Variants in FAM193B observed in about 807,000 individuals in gnomAD.
The protein encoded by FAM193B is protein FAM193B.
A neutral mutation model predicts 70.7 loss-of-function variants in FAM193B; 27 were observed. That is an observed-to-expected ratio of 0.38 (90% CI 0.28 to 0.53). The LOEUF (loss-of-function observed/expected upper bound fraction) is 0.53, where lower values mean the gene tolerates loss of function less well. Among genes scored for constraint, FAM193B ranks in the 20% least tolerant of loss-of-function variants. The pLI, the probability that FAM193B is intolerant of heterozygous loss-of-function variation, is 0.81. For synonymous variants in FAM193B, 448 were observed against 436.0 expected (o/e 1.03, Z -0.34); for missense variants, 1,022 against 1,072.5 (o/e 0.95, Z 0.66).
At chr5:177,525,321 T>G in intron 5 of FAM193B, 116 bp from the exon 6 acceptor site, 1 of 1,124,578 alleles carries the variant, frequency 8.9e-7, no homozygotes, top group Non-Finnish European at 1.2e-6. Context: ...AGCAAAGCCT[T>G]AAAATCCTAG....
At chr5:177,521,214 C>G (rs570918041) in intron 8 of FAM193B, among the ~76,000 whole-genome samples, 1 of 152,192 alleles carries the variant, frequency 6.6e-6, no homozygotes, top group Non-Finnish European at 1.5e-5. Context: ...GCCACTCAGC[C>G]CCCAGCCCAA....
In FAM193B at chr5:177,532,447, T is replaced by C. The variant is rs375182955; in HGVS notation, c.1271A>G (p.Asn424Ser). The change falls in exon 5 of 9, where the codon AAT becomes AGT. Residue 424 changes from asparagine (N) to serine (S), a missense_variant. Asn to Ser is a conservative substitution (Grantham distance 46). Coordinates refer to ENST00000514747, the MANE Select transcript of FAM193B (RefSeq NM_001190946.3). The surrounding 1 kb of genome is among the most constrained non-coding windows in gnomAD (Gnocchi z 4.9). ...DCCYCEFFGHNAEKEKAQLAA... is the reference protein window; with the variant it reads ...DCCYCEFFGHSAEKEKAQLAA... ...AGCCTGGGCAGGCTCACTCACCGCA[T>C]TGTGGCCGAAGAACTCACAGTAGCA... 6.2e-7 allele frequency: 1 copy of C among 1,609,842 alleles called. No individual in the cohort carries two copies. The highest frequency in any genetic ancestry group is 1.3e-5 in the African/African-American group (1 of 75,008).
chr5:177,554,534 C>T lies in FAM193B; in HGVS notation c.-76G>A. The T allele has an allele frequency of 2.2e-6, 2 of 892,306 alleles. No individual in the cohort carries two copies. Among genetic ancestry groups the T allele is most frequent in the Non-Finnish European group, 2.7e-6 (2 of 740,982 alleles). The allele number at this position is 892,306 out of a possible 1,614,324, so 55.3% of individuals were successfully genotyped here. On this transcript the variant is annotated 5_prime_UTR_variant, in exon 1 of 9. Coordinates refer to ENST00000514747, the MANE Select transcript of FAM193B (RefSeq NM_001190946.3). ...GCCGCCGCCGCCGCCGCCGCCGCTA[C>T]CGCTCCCCTCACAGGACAACAGCCA...
chr5:177,536,661 G>A lies in FAM193B; in HGVS notation c.773C>T (p.Pro258Leu), dbSNP rs1207733008. The A allele has an allele frequency of 1.3e-6, 2 of 1,562,788 alleles. No homozygotes were observed. Among genetic ancestry groups the A allele is most frequent in the East Asian group, 4.7e-5 (2 of 42,632 alleles). Reference sequence around the variant, plus strand: ...GGGGTGAGACGGGATTAGAGATGCTGGCTGCGGGTGGTGGCCGGTGGGGCT... The same window carrying A: ...GGGGTGAGACGGGATTAGAGATGCTAGCTGCGGGTGGTGGCCGGTGGGGCT... ...PNSPTGHHPQ[P>L]ASLIPSHPSS... The change falls in exon 4 of 9, where the codon CCA becomes CTA. Residue 258 changes from proline to leucine, a missense_variant. Transcript: ENST00000514747.
chr5:177,551,504 A>G (rs1205419573), intron 1 of FAM193B, among the ~76,000 whole-genome samples: 1 of 152,210 alleles, frequency 6.6e-6, no homozygotes, highest in Non-Finnish European at 1.5e-5. Flanking sequence ...CCTAAGGAGC[A>G]TACGCTGTCT....
Position 177,524,841 on chromosome 5 carries a change from A to G in FAM193B, c.1640T>C (p.Leu547Ser), listed in dbSNP as rs1199770617. 6.6e-7 allele frequency: 1 copy of G among 1,512,868 alleles called. No homozygotes were observed. Among genetic ancestry groups the G allele is most frequent in the Non-Finnish European group, 8.8e-7 (1 of 1,133,448 alleles). The allele number at this position is 1,512,868 out of a possible 1,614,324, so 93.7% of individuals were successfully genotyped here. A position where few individuals can be genotyped will look rare whatever the true frequency, so the allele number is the denominator to read the frequency against. ...LTLGSPQNHT[L>S]QAPGEPAPPW... ...TGGGGCTGGCTCGCCTGGAGCTTGT[A>G]ACGTGTGGTTCTGAGGGGAGCCCAA... is the stretch of plus-strand genomic sequence containing the variant. The change falls in exon 6 of 9, where the codon TTA becomes TCA. Residue 547 changes from leucine (L) to serine (S), a missense_variant. Leu to Ser is a moderately radical substitution (Grantham distance 145). Transcript: ENST00000514747.
At position 177,520,096 on chromosome 5, in the gene FAM193B, TG is replaced by T. The variant is rs1761485043; in HGVS notation, c.*86del. On this transcript the variant is annotated 3_prime_UTR_variant, in exon 9 of 9. Transcript: ENST00000514747. ...GCACAGAGGGTCTTGGACGGGTAGG[TG>T]GGGCACACGGAGGGAAAAATTATAC... The T allele has an allele frequency of 6.6e-6, 1 of 152,088 alleles. No homozygotes were observed. Among genetic ancestry groups the T allele is most frequent in the Non-Finnish European group, 1.5e-5 (1 of 68,068 alleles). 9.4% of individuals were successfully genotyped at this position (152,088 alleles called of 1,614,324 possible).
Position 177,532,243 on chromosome 5 carries a change from CA to C in FAM193B, c.1275+199del, listed in dbSNP as rs1763581272. ...ATCTTAAGAGAAACCATGAGAAGAG[CA>C]AAGGTAGCAAAATGTTTAAAAACCC... On this transcript the variant is annotated intron_variant, in intron 5 of 8. Transcript: ENST00000514747. This position sits in a 1 kb window ranked among gnomAD's most constrained non-coding sequence, Gnocchi z 4.9. The C allele has an allele frequency of 6.7e-7, 1 of 1,493,012 alleles. No homozygotes were observed. The highest frequency in any genetic ancestry group is 8.9e-7 in the Non-Finnish European group (1 of 1,127,506). 92.5% of individuals were successfully genotyped at this position (1,493,012 alleles called of 1,614,324 possible).
rs1393694686 is a variant in FAM193B at position 177,523,971 on chromosome 5, C to T, written c.2358G>A (p.Val786=). 1 of 1,614,070 alleles carries T rather than the reference C, an allele frequency of 6.2e-7. No homozygotes were observed. Reference sequence around the variant, plus strand: ...CCCACACCTACCTCTTAAAGTACTCCACCTCTCGGTCAGTCTCATCCATCT... The same window carrying T: ...CCCACACCTACCTCTTAAAGTACTCTACCTCTCGGTCAGTCTCATCCATCT... The part of the protein sequence containing the change: ...GVEMDETDRE[V]EYFKRFCLDS... The change falls in exon 7 of 9, where the codon GTG becomes GTA. Residue 786 remains valine, a synonymous_variant. Coordinates refer to ENST00000514747, the MANE Select transcript of FAM193B (RefSeq NM_001190946.3).
In FAM193B at chr5:177,538,855, T is replaced by C; in HGVS notation, c.453+50A>G. 1.2e-6 allele frequency: 2 copies of C among 1,605,292 alleles called. No individual in the cohort carries two copies. The highest frequency in any genetic ancestry group is 1.7e-6 in the Non-Finnish European group (2 of 1,174,630). ...GAGGACAGGGAACAGCCTGACTTCC[T>C]TGGGGAGGAGCCCTCCTGCATTCAG... On this transcript the variant is annotated intron_variant, in intron 2 of 8. Transcript: ENST00000514747. This position sits in a 1 kb window ranked among gnomAD's most constrained non-coding sequence, Gnocchi z 4.1.
At chr5:177,548,360 A>G (rs1765752758) in intron 1 of FAM193B, among the ~76,000 whole-genome samples, 1 of 152,190 alleles carries the variant, frequency 6.6e-6, no homozygotes, top group African/African-American at 2.4e-5. Flanking sequence ...AGGCACAGGT[A>G]AGTGTTTGGA....
rs1764177940 is a variant in FAM193B, at chr5:177,536,458, A to G, written c.976T>C (p.Phe326Leu). Reference protein sequence around the residue: ...SMPLLKMPPPFSGCSHPCSGH... With the variant: ...SMPLLKMPPPLSGCSHPCSGH... ...CTGCAGGGGTGGCTGCACCCCGAGA[A>G]TGGTGGGGGCATCTTCAGGAGCGGC... The change falls in exon 4 of 9, where the codon TTC becomes CTC. Residue 326 changes from phenylalanine (F) to leucine (L), a missense_variant. Transcript: ENST00000514747. 6.3e-7 allele frequency: 1 copy of G among 1,588,800 alleles called. No homozygotes were observed. The highest frequency in any genetic ancestry group is 8.5e-7 in the Non-Finnish European group (1 of 1,171,790).
intron 5 of FAM193B, among the ~76,000 whole-genome samples, chr5:177,530,307 A>G (rs1485929209): frequency 6.6e-6 from 1 of 152,156 alleles, no homozygotes; most frequent in Non-Finnish European, 1.5e-5. Context: ...TCTCACGGGA[A>G]CCTTCGAGTC....
rs536253774 is a variant in FAM193B, at chr5:177,520,360, G to A, written c.*2-179C>T. 1.5e-4 allele frequency among the ~76,000 whole-genome samples: 23 copies of A among 152,340 alleles called. No individual in the cohort carries two copies. The South Asian group carries it at 3.3e-3, about 22-fold the overall frequency. On this transcript the variant is annotated intron_variant, in intron 8 of 8. Coordinates refer to ENST00000514747, the MANE Select transcript of FAM193B (RefSeq NM_001190946.3). ...CCTGTAGCAGAGGATGCAGGTTAAC[G>A]GGTTGGGAGACAGAGCCCCAGTCCC...
chr5:177,537,208 C>T (rs950290404), intron 3 of FAM193B, among the ~76,000 whole-genome samples: 11 of 152,200 alleles, frequency 7.2e-5, no homozygotes, highest in Admixed American at 7.2e-4. Flanking sequence ...TGATGACTCT[C>T]TAGCTTATGT....
chr5:177,522,082 T>C lies in FAM193B; in HGVS notation c.2373-11A>G, dbSNP rs751352296. 1.9e-6 allele frequency: 3 copies of C among 1,611,466 alleles called. No individual in the cohort carries two copies. The highest frequency in any genetic ancestry group is 3.3e-5 in the Admixed American group (2 of 59,976). On this transcript the variant is annotated splice_polypyrimidine_tract_variant and intron_variant, in intron 7 of 8. Coordinates refer to ENST00000514747, the MANE Select transcript of FAM193B (RefSeq NM_001190946.3). The stretch of plus-strand genomic sequence containing the variant: ...GAATCCAAACAGAACCTGTTGGGTT[T>C]GGGGGACACATGAGAAGCACAATCA...
At chr5:177,526,892 G>A (rs775702978) in intron 5 of FAM193B, among the ~76,000 whole-genome samples, 1 of 152,202 alleles carries the variant, frequency 6.6e-6, no homozygotes, top group Non-Finnish European at 1.5e-5. Flanking sequence ...TGAGTTTAGC[G>A]TACGTGAGAC....
At chr5:177,526,448 GC>G (rs1009129510) in intron 5 of FAM193B, among the ~76,000 whole-genome samples, 1 of 152,028 alleles carries the variant, frequency 6.6e-6, no homozygotes, top group African/African-American at 2.4e-5. Flanking sequence ...GGGCTCAGAG[GC>G]CCTGGGTTGG....
chr5:177,527,815 G>A (rs185846059), intron 5 of FAM193B, among the ~76,000 whole-genome samples: 1 of 152,318 alleles, frequency 6.6e-6, no homozygotes, highest in Admixed American at 6.5e-5. Context: ...AACAGGGTGG[G>A]AGGCGGTGCC....
Sources: allele counts gnomAD v4.1 joint callset (sites outside exome capture counted in the v4.1 genomes callset), GRCh38; gene constraint gnomAD v4.1.1; non-coding constraint Gnocchi (gnomAD v3.1); transcripts MANE v1.5; gene names NCBI Gene and HGNC (gene_info 2026-07-23, HGNC 2026-07-21).